The following PCDH8 variants were observed in gnomAD, a reference collection of about 807,000 sequenced individuals.
PCDH8 encodes protocadherin 8.
In PCDH8, 36 loss-of-function variants were observed where a neutral mutation model predicts 58.2. The ratio of observed to expected loss-of-function variants is 0.62; its 90% CI spans 0.47 to 0.82. The LOEUF (loss-of-function observed/expected upper bound fraction) is 0.82, where lower values mean the gene tolerates loss of function less well. Among genes scored for constraint, PCDH8 ranks in the 40% least tolerant of loss-of-function variants. The probability of loss-of-function intolerance (pLI) is 0.00; values close to 1 mark genes in which losing one functional copy is unlikely to be tolerated. For missense variants in PCDH8, 1,493 were observed against 1,567.8 expected, an observed-to-expected ratio of 0.95 and a Z score of 0.81; for synonymous variants, 775 against 728.9, an observed-to-expected ratio of 1.06 and a Z score of -1.02.
rs1246638848 is a variant in PCDH8 at position 52,845,921 on chromosome 13, G to A, written c.2516C>T (p.Ala839Val). Residue 839 changes from alanine (A) to valine (V), a missense_variant, in exon 1 of 3, where the codon GCG (alanine) becomes GTG (valine). By Grantham distance (64) the Ala-to-Val change is moderately conservative. This residue lies in a region of PCDH8 where 1,307 missense variants were observed against 1,362.7 expected (regional missense o/e 0.96). Coordinates refer to ENST00000377942, the MANE Select transcript of PCDH8 (RefSeq NM_002590.4). ...GGCCGCGGCGACCGCAGGCGGAGGC[G>A]CGTCCGCCGCGGGGCTGCCAAAGGG... ...KAPFGSPAADAPPPAVAAAEV... is the reference protein window; with the variant it reads ...KAPFGSPAADVPPPAVAAAEV... 7 of 1,479,068 alleles carry A rather than the reference G, an allele frequency of 4.7e-6. No homozygotes were observed. The highest frequency in any genetic ancestry group is 2.5e-5 in the Admixed American group (1 of 39,260). 91.6% of individuals were successfully genotyped at this position (1,479,068 alleles called of 1,614,324 possible).
Position 52,846,762 on chromosome 13 carries a change from C to G in PCDH8, c.1675G>C (p.Gly559Arg). The change falls in exon 1 of 3, where the codon GGA (glycine) becomes CGA (arginine). Residue 559 changes from glycine (G) to arginine (R), a missense_variant. Around this residue, in one of 3 missense-constraint regions of PCDH8, gnomAD observed 1,307 missense variants for 1,362.7 expected, o/e 0.96. Transcript: ENST00000377942. ...AAGCTGCGCAGCGCGTAGATGGCTCCGGTAGCTGGGTCCACCGAGACATAA... is the reference window on the plus strand; with the variant it reads ...AAGCTGCGCAGCGCGTAGATGGCTCGGGTAGCTGGGTCCACCGAGACATAA... ...STYVSVDPAT[G>R]AIYALRSFDY... The G allele has an allele frequency of 5.1e-6, 8 of 1,577,944 alleles. No individual in the cohort carries two copies. Among genetic ancestry groups the G allele is most frequent in the Non-Finnish European group, 6.8e-6 (8 of 1,169,192 alleles).
rs764272225 is a variant in PCDH8, at chr13:52,847,044, A to G, written c.1393T>C (p.Leu465=). 6 of 1,568,220 alleles carry G rather than the reference A, an allele frequency of 3.8e-6. No individual in the cohort carries two copies. In the African/African-American group the frequency reaches 6.9e-5, roughly 18 times the overall value. The change falls in exon 1 of 3, where the codon TTG becomes CTG. Residue 465 remains leucine, a synonymous_variant. Coordinates refer to ENST00000377942, the MANE Select transcript of PCDH8 (RefSeq NM_002590.4). ...CCGCGATCCTCGGCCACCAGCGTCA[A>G]GTTGTACTCGGCGATGCGTTCGCGG... ...LDRERIAEYN[L]TLVAEDRGAP... is the part of the protein sequence containing the mutation.
rs1593426626 is a variant in PCDH8, at chr13:52,847,260, G to A, written c.1177C>T (p.Pro393Ser). Reference sequence around the variant, plus strand: ...ACCAGCGAAGTGGCACCAGCCTCCGGCGTCCCGGCTCCCGCCGGCGAGCTA... The same window carrying A: ...ACCAGCGAAGTGGCACCAGCCTCCGACGTCCCGGCTCCCGCCGGCGAGCTA... The part of the protein sequence containing the change: ...DASSPAGAGT[P>S]EAGATSLVPE... Residue 393 changes from proline (P) to serine (S), a missense_variant, in exon 1 of 3, where the codon CCG becomes TCG. Physicochemically the swap from Pro to Ser is moderately conservative, Grantham distance 74. Coordinates refer to ENST00000377942, the MANE Select transcript of PCDH8 (RefSeq NM_002590.4). 2.2e-6 allele frequency: 3 copies of A among 1,377,394 alleles called. No individual in the cohort carries two copies. The East Asian group carries it at 8.9e-5, about 41-fold the overall frequency. 85.3% of individuals were successfully genotyped at this position (1,377,394 alleles called of 1,614,324 possible). A position where few individuals can be genotyped will look rare whatever the true frequency, so the allele number is the denominator to read the frequency against.
rs1286392411 is a variant in PCDH8 at position 52,844,950 on chromosome 13, A to G, written c.2840-17T>C. The G allele has an allele frequency of 4.6e-6, 7 of 1,510,398 alleles. No individual in the cohort carries two copies. The Admixed American group carries it at 9.3e-5, about 20-fold the overall frequency. 93.6% of individuals were successfully genotyped at this position (1,510,398 alleles called of 1,614,324 possible). ...CCCACAGTCCTAATACGAAAGGGAAAAGGAAACAGCATGACGATTATTCCT... is the reference window on the plus strand; with the variant it reads ...CCCACAGTCCTAATACGAAAGGGAAGAGGAAACAGCATGACGATTATTCCT... On this transcript the variant is annotated splice_polypyrimidine_tract_variant and intron_variant, in intron 2 of 2. Transcript: ENST00000377942.
chr13:52,845,589 G>A lies in PCDH8; in HGVS notation c.2675C>T (p.Pro892Leu). ...GGAGTGTCCTTTCCACACCGCCACA[G>A]GGGGCGCCGGCTCCTTTCCAAAACC... Reference protein sequence around the residue: ...SPGFGKEPAPPVAVWKGHSFN... With the variant: ...SPGFGKEPAPLVAVWKGHSFN... The change falls in exon 2 of 3, where the codon CCT (proline) becomes CTT (leucine). Residue 892 changes from proline to leucine, a missense_variant. Pro to Leu is a moderately conservative substitution (Grantham distance 98). Around this residue, in one of 3 missense-constraint regions of PCDH8, gnomAD observed 1,307 missense variants for 1,362.7 expected, o/e 0.96. Transcript: ENST00000377942. 2 of 1,614,136 alleles carry A rather than the reference G, an allele frequency of 1.2e-6. No individual in the cohort carries two copies. Among genetic ancestry groups the A allele is most frequent in the Non-Finnish European group, 1.7e-6 (2 of 1,180,028 alleles).
chr13:52,845,427 C>T lies in PCDH8; in HGVS notation c.2837G>A (p.Ser946Asn). Residue 946 changes from serine (S) to asparagine (N), a missense_variant and splice_region_variant, in exon 2 of 3, where the codon AGT (serine) becomes AAT (asparagine). This residue lies in a region of PCDH8 where 182 missense variants were observed against 178.9 expected (regional missense o/e 1.02). Coordinates refer to ENST00000377942, the MANE Select transcript of PCDH8 (RefSeq NM_002590.4). ...LKKDLINHMQ[S>N]GLWACTAECK... ...TGGCGGGAAAGAAGAGTCCTCACCA[C>T]TCTGCATGTGGTTGATGAGATCCTT... 2 of 1,614,170 alleles carry T rather than the reference C, an allele frequency of 1.2e-6. No individual in the cohort carries two copies. Among genetic ancestry groups the T allele is most frequent in the Non-Finnish European group, 8.5e-7 (1 of 1,179,998 alleles).
Position 52,846,433 on chromosome 13 carries a change from C to T in PCDH8, c.2004G>A (p.Thr668=), listed in dbSNP as rs1381828773. ...GGTCGCCGGTGAGCAGTATCTCCCC[C>T]GTGCGGCGGCCGATGGCGAAGGCTT... is the stretch of plus-strand genomic sequence containing the variant. ...PREAFAIGRR[T]GEILLTGDLS... is the part of the protein sequence containing the mutation. The change falls in exon 1 of 3, where the codon ACG becomes ACA. Residue 668 remains threonine (T), a synonymous_variant. Transcript: ENST00000377942. The T allele has an allele frequency of 1.3e-6, 2 of 1,599,820 alleles. No individual in the cohort carries two copies. Among genetic ancestry groups the T allele is most frequent in the Non-Finnish European group, 8.5e-7 (1 of 1,179,288 alleles).
rs1415505538 is a variant in PCDH8 at position 52,846,246 on chromosome 13, G to A, written c.2191C>T (p.Arg731Cys). 1 of 1,584,034 alleles carries A rather than the reference G, an allele frequency of 6.3e-7. No individual in the cohort carries two copies. Among genetic ancestry groups the A allele is most frequent in the African/African-American group, 1.4e-5 (1 of 73,778 alleles). Residue 731 changes from arginine to cysteine, a missense_variant, in exon 1 of 3, where the codon CGC becomes TGC. Physicochemically the swap from Arg to Cys is radical, Grantham distance 180 (BLOSUM62 -3). Coordinates refer to ENST00000377942, the MANE Select transcript of PCDH8 (RefSeq NM_002590.4). ...PASAGSPERSRPPGSRLGVSG... is the reference protein window; with the variant it reads ...PASAGSPERSCPPGSRLGVSG... ...ACCCCGAGCCGAGAGCCAGGCGGGC[G>A]GGAACGCTCCGGGCTTCCTGCACTG...
In PCDH8 at chr13:52,847,571, G is replaced by T; in HGVS notation, c.866C>A (p.Thr289Asn). 6.4e-7 allele frequency: 1 copy of T among 1,562,674 alleles called. No homozygotes were observed. Among genetic ancestry groups the T allele is most frequent in the African/African-American group, 1.4e-5 (1 of 72,718 alleles). The change falls in exon 1 of 3, where the codon ACC (threonine) becomes AAC (asparagine). Residue 289 changes from threonine to asparagine, a missense_variant. Around this residue, in one of 3 missense-constraint regions of PCDH8, gnomAD observed 1,307 missense variants for 1,362.7 expected, o/e 0.96. Transcript: ENST00000377942. ...AAAGAGGCGGCGCGCCTCCGGCGGG[G>T]TGCGGGCGCCAAATGCGAACACCAC... ...GDVVFAFGAR[T>N]PPEARRLFRL...
At position 52,846,775 on chromosome 13, in the gene PCDH8, C is replaced by T; in HGVS notation, c.1662G>A (p.Val554=). ...CGTAGATGGCTCCGGTAGCTGGGTC[C>T]ACCGAGACATAAGTGGACACGGCGC... The part of the protein sequence containing the change: ...AGGAVSTYVS[V]DPATGAIYAL... The change falls in exon 1 of 3, where the codon GTG becomes GTA. Residue 554 remains valine (V), a synonymous_variant. Coordinates refer to ENST00000377942, the MANE Select transcript of PCDH8 (RefSeq NM_002590.4). 1 of 1,571,624 alleles carries T rather than the reference C, an allele frequency of 6.4e-7. No individual in the cohort carries two copies.
chr13:52,847,324 G>A lies in PCDH8; in HGVS notation c.1113C>T (p.Ala371=), dbSNP rs768656417. 4.9e-6 allele frequency: 7 copies of A among 1,423,682 alleles called. No homozygotes were observed. The highest frequency in any genetic ancestry group is 6.4e-6 in the Non-Finnish European group (7 of 1,095,878). The allele number at this position is 1,423,682 out of a possible 1,614,324, so 88.2% of individuals were successfully genotyped here. The change falls in exon 1 of 3, where the codon GCC becomes GCT. Residue 371 remains alanine (A), a synonymous_variant. Transcript: ENST00000377942. ...CGAGTGCAGCGGCGGCGGCGGCAGC[G>A]GCGAAGGGTGAGGTTGCCGGCGCGC... ...APGAPATSPF[A]AAAAAAALGG...
rs1487470169 is a variant in PCDH8, at chr13:52,847,973, G to A, written c.464C>T (p.Pro155Leu). 1 of 1,610,904 alleles carries A rather than the reference G, an allele frequency of 6.2e-7. No homozygotes were observed. Among genetic ancestry groups the A allele is most frequent in the Non-Finnish European group, 8.5e-7 (1 of 1,178,602 alleles). ...SEGAAVGTRIPLEVPVDEDVG... is the reference protein window; with the variant it reads ...SEGAAVGTRILLEVPVDEDVG... Reference sequence around the variant, plus strand: ...GTCCTCGTCCACCGGCACCTCCAAGGGGATGCGCGTGCCCACTGCCGCACC... The same window carrying A: ...GTCCTCGTCCACCGGCACCTCCAAGAGGATGCGCGTGCCCACTGCCGCACC... Residue 155 changes from proline to leucine, a missense_variant, in exon 1 of 3, where the codon CCC becomes CTC. This residue lies in a region of PCDH8 where 1,307 missense variants were observed against 1,362.7 expected (regional missense o/e 0.96). Transcript: ENST00000377942.
chr13:52,848,361 C>T lies in PCDH8; in HGVS notation c.76G>A (p.Val26Met). 6.2e-7 allele frequency: 1 copy of T among 1,612,742 alleles called. No homozygotes were observed. The highest frequency in any genetic ancestry group is 8.5e-7 in the Non-Finnish European group (1 of 1,180,036). ...QLFSLCWVLSVAQSKTVRYST... is the reference protein window; with the variant it reads ...QLFSLCWVLSMAQSKTVRYST... Reference sequence around the variant, plus strand: ...TATCGGACTGTTTTGCTCTGGGCCACTGAGAGCACCCAGCAGAGGCTGAAG... The same window carrying T: ...TATCGGACTGTTTTGCTCTGGGCCATTGAGAGCACCCAGCAGAGGCTGAAG... The change falls in exon 1 of 3, where the codon GTG (valine) becomes ATG (methionine). Residue 26 changes from valine to methionine, a missense_variant. Val to Met is a conservative substitution (Grantham distance 21). This residue lies in a region of PCDH8 where 1,307 missense variants were observed against 1,362.7 expected (regional missense o/e 0.96). Coordinates refer to ENST00000377942, the MANE Select transcript of PCDH8 (RefSeq NM_002590.4).
chr13:52,844,854 G>C lies in PCDH8; in HGVS notation c.2919C>G (p.Asn973Lys). 1 of 1,602,836 alleles carries C rather than the reference G, an allele frequency of 6.2e-7. No individual in the cohort carries two copies. The highest frequency in any genetic ancestry group is 8.5e-7 in the Non-Finnish European group (1 of 1,173,802). The stretch of plus-strand genomic sequence containing the variant: ...CTGGTGGGTGAGGCGATGGATGTGC[G>C]TTGGGCCCGCTGCAGGATGGGCTCC... ...RCWSPSCSGP[N>K]AHPSPHPPAQ... The change falls in exon 3 of 3, where the codon AAC becomes AAG. Residue 973 changes from asparagine to lysine, a missense_variant. By Grantham distance (94) the Asn-to-Lys change is moderately conservative (BLOSUM62 0). Coordinates refer to ENST00000377942, the MANE Select transcript of PCDH8 (RefSeq NM_002590.4).
rs1351121062 is a variant in PCDH8 at position 52,846,682 on chromosome 13, G to A, written c.1755C>T (p.Gly585=). The A allele has an allele frequency of 5.6e-6, 9 of 1,600,286 alleles. No individual in the cohort carries two copies. Among genetic ancestry groups the A allele is most frequent in the Non-Finnish European group, 7.6e-6 (9 of 1,177,048 alleles). Residue 585 remains glycine, a synonymous_variant, in exon 1 of 3, where the codon GGC becomes GGT. Coordinates refer to ENST00000377942, the MANE Select transcript of PCDH8 (RefSeq NM_002590.4). The part of the protein sequence containing the change: ...LDVRIQASDG[G]SPQLSSSALV... ...GGGCGCTGCTGGAAAGCTGAGGGGA[G>A]CCGCCGTCGCTAGCTTGGATGCGAA...
rs201396832 is a variant in PCDH8, at chr13:52,848,202, C to T, written c.235G>A (p.Gly79Ser). ...FNSSLLRVRE[G>S]DGQLTVGDAG... ...TCCCCGACGGTCAGCTGCCCGTCGC[C>T]TTCGCGCACCCGGAGCAGAGAGCTG... is the stretch of plus-strand genomic sequence containing the variant. The change falls in exon 1 of 3, where the codon GGC becomes AGC. Residue 79 changes from glycine to serine, a missense_variant. Gly to Ser is a moderately conservative substitution (Grantham distance 56). Transcript: ENST00000377942. The T allele has an allele frequency of 7.2e-5, 116 of 1,612,830 alleles. No homozygotes were observed. The highest frequency in any genetic ancestry group is 9.3e-5 in the Non-Finnish European group (110 of 1,179,674).
rs1593423763 is a variant in PCDH8 at position 52,844,484 on chromosome 13, A to G, written c.*76T>C. On this transcript the variant is annotated 3_prime_UTR_variant, in exon 3 of 3. Coordinates refer to ENST00000377942, the MANE Select transcript of PCDH8 (RefSeq NM_002590.4). Reference sequence around the variant, plus strand: ...AGGCACATCTTGCATATTTATATATACAACACTGAAACCGGTCAATAACTT... The same window carrying G: ...AGGCACATCTTGCATATTTATATATGCAACACTGAAACCGGTCAATAACTT... 8.0e-7 allele frequency: 1 copy of G among 1,255,452 alleles called. No homozygotes were observed. The highest frequency in any genetic ancestry group is 2.4e-5 in the East Asian group (1 of 42,358). The allele number at this position is 1,255,452 out of a possible 1,614,324, so 77.8% of individuals were successfully genotyped here.
chr13:52,846,748 C>A lies in PCDH8; in HGVS notation c.1689G>T (p.Ala563=). ...GCGTCTCATAGTCGAAGCTGCGCAG[C>A]GCGTAGATGGCTCCGGTAGCTGGGT... ...SVDPATGAIY[A]LRSFDYETLR... The change falls in exon 1 of 3, where the codon GCG becomes GCT. Residue 563 remains alanine, a synonymous_variant. Transcript: ENST00000377942. The A allele has an allele frequency of 6.3e-7, 1 of 1,586,712 alleles. No individual in the cohort carries two copies. Among genetic ancestry groups the A allele is most frequent in the Non-Finnish European group, 8.5e-7 (1 of 1,172,936 alleles).
Position 52,848,406 on chromosome 13 carries a change from A to G in PCDH8, c.31T>C (p.Cys11Arg). 6.8e-6 allele frequency: 11 copies of G among 1,609,524 alleles called. No homozygotes were observed. Among genetic ancestry groups the G allele is most frequent in the Non-Finnish European group, 9.3e-6 (11 of 1,179,438 alleles). MSPVRRWGSP[C>R]LFPLQLFSLC... ...CTGAAGAGCTGCAAGGGGAAAAGGC[A>G]GGGGCTGCCCCAACGCCTCACAGGA... The change falls in exon 1 of 3, where the codon TGC (cysteine) becomes CGC (arginine). Residue 11 changes from cysteine to arginine, a missense_variant. Around this residue, in one of 3 missense-constraint regions of PCDH8, gnomAD observed 1,307 missense variants for 1,362.7 expected, o/e 0.96. Coordinates refer to ENST00000377942, the MANE Select transcript of PCDH8 (RefSeq NM_002590.4).
Sources: allele counts gnomAD v4.1 joint callset, GRCh38; gene constraint gnomAD v4.1.1; regional missense constraint gnomAD v4.1.1; transcripts MANE v1.5; gene names NCBI Gene and HGNC (gene_info 2026-07-23, HGNC 2026-07-21).